IL1RL1: variants seen among roughly 807,000 people sequenced by gnomAD.
IL1RL1 encodes interleukin-1 receptor-like 1.
A neutral mutation model predicts 50.9 loss-of-function variants in IL1RL1; 32 were observed. That is an observed-to-expected ratio of 0.63 (90% CI 0.47 to 0.84). The LOEUF is 0.84. Ranked by LOEUF, IL1RL1 falls within the 40% of genes least tolerant of loss-of-function variation. The probability of loss-of-function intolerance (pLI) is 0.00; values close to 1 mark genes in which losing one functional copy is unlikely to be tolerated. For missense variants in IL1RL1, 773 were observed against 662.9 expected, an observed-to-expected ratio of 1.17 and a Z score of -1.82; for synonymous variants, 275 against 236.0, an observed-to-expected ratio of 1.17 and a Z score of -1.51.
At chr2:102,333,533 G>C (rs772457634) in intron 1 of IL1RL1, among the ~76,000 whole-genome samples, 14 of 152,198 alleles carry the variant, frequency 9.2e-5, no homozygotes, top group Non-Finnish European at 2.1e-4. Context: ...TTCTGTTCTG[G>C]AGACATGAAG....
chr2:102,314,461 T>C lies in IL1RL1; in HGVS notation c.-150+2838T>C, dbSNP rs563543454. Among the ~76,000 whole-genome samples the C allele has an allele frequency of 2.0e-5, 3 of 152,326 alleles. No homozygotes were observed. In the South Asian group the frequency reaches 6.2e-4, roughly 32 times the overall value. The stretch of plus-strand genomic sequence containing the variant: ...ATGAAAAAACACAGAATAAAGATAG[T>C]GTCCACCAAGATGTAACTGAGATTT... On this transcript the variant is annotated intron_variant, in intron 1 of 10. Coordinates refer to ENST00000233954, the MANE Select transcript of IL1RL1 (RefSeq NM_016232.5).
At chr2:102,328,722 G>C (rs1024764077) in intron 1 of IL1RL1, among the ~76,000 whole-genome samples, 1 of 152,162 alleles carries the variant, frequency 6.6e-6, no homozygotes, top group Non-Finnish European at 1.5e-5. Context: ...CAAATCATGA[G>C]TGAACTCCCA....
In IL1RL1 at chr2:102,338,888, G is replaced by C; in HGVS notation, c.113G>C (p.Arg38Thr). 6.2e-7 allele frequency: 1 copy of C among 1,613,792 alleles called. No homozygotes were observed. Among genetic ancestry groups the C allele is most frequent in the Non-Finnish European group, 8.5e-7 (1 of 1,179,786 alleles). ...ENEALIVRCP[R>T]QGKPSYTVDW... is the part of the protein sequence containing the mutation. Reference sequence around the variant, plus strand: ...GAGGCTTTAATTGTAAGATGTCCTAGACAAGGAAAACCTAGTTACACCGTG... The same window carrying C: ...GAGGCTTTAATTGTAAGATGTCCTACACAAGGAAAACCTAGTTACACCGTG... Residue 38 changes from arginine to threonine, a missense_variant, in exon 3 of 11, where the codon AGA becomes ACA. Arg to Thr is a moderately conservative substitution (Grantham distance 71). Transcript: ENST00000233954.
At position 102,343,909 on chromosome 2, in the gene IL1RL1, T is replaced by C. The variant is rs555681124; in HGVS notation, c.970+494T>C. Reference sequence around the variant, plus strand: ...AAGTATCAAACTACTGCCATTTCAGTGAGAAAATCCTAGGTGCTACTTTAT... The same window carrying C: ...AAGTATCAAACTACTGCCATTTCAGCGAGAAAATCCTAGGTGCTACTTTAT... On this transcript the variant is annotated intron_variant, in intron 8 of 10. Coordinates refer to ENST00000233954, the MANE Select transcript of IL1RL1 (RefSeq NM_016232.5). The C allele has an allele frequency of 4.7e-4, 473 of 996,230 alleles. 1 individual carries two copies. The African/African-American group carries it at 7.7e-3, about 16-fold the overall frequency. The allele number at this position is 996,230 out of a possible 1,614,324, so 61.7% of individuals were successfully genotyped here.
At chr2:102,339,073 C>G in intron 3 of IL1RL1, 26 bp downstream of exon 3, 1 of 1,525,452 alleles carries the variant, frequency 6.6e-7, no homozygotes, top group Non-Finnish European at 9.1e-7. Flanking sequence ...CTCCCATCTT[C>G]TTTCACCCTG....
intron 8 of IL1RL1, 117 bp from the exon 9 acceptor site, chr2:102,347,828 C>T: frequency 1.6e-6 from 1 of 612,182 alleles, no homozygotes; most frequent in Non-Finnish European, 2.9e-6. Flanking sequence ...ATGAAAATTC[C>T]CAGTGGGTAT....
intron 6 of IL1RL1, among the ~76,000 whole-genome samples, chr2:102,342,559 A>G (rs932369019): frequency 6.6e-6 from 1 of 152,176 alleles, no homozygotes; most frequent in African/African-American, 2.4e-5. Context: ...CTTCATCTCT[A>G]TCCCAGAGCT....
chr2:102,351,766 G>A lies in IL1RL1; in HGVS notation c.1516G>A (p.Val506Ile). 1 of 1,614,114 alleles carries A rather than the reference G, an allele frequency of 6.2e-7. No homozygotes were observed. The highest frequency in any genetic ancestry group is 8.5e-7 in the Non-Finnish European group (1 of 1,179,998). ...LQDSLQHLMK[V>I]QGTIKWREDH... ...GGACTCCCTCCAGCATCTTATGAAA[G>A]TACAGGGGACCATCAAGTGGAGGGA... Residue 506 changes from valine to isoleucine, a missense_variant, in exon 11 of 11, where the codon GTA (valine) becomes ATA (isoleucine). Transcript: ENST00000233954.
chr2:102,311,843 G>T (rs1231949777), intron 1 of IL1RL1, among the ~76,000 whole-genome samples: 2 of 41,286 alleles, frequency 4.8e-5, no homozygotes, highest in Non-Finnish European at 1.0e-4. Context: ...TTATATAATT[G>T]TAATATATAA....
chr2:102,325,962 G>C (rs1191576812), intron 1 of IL1RL1, among the ~76,000 whole-genome samples: 1 of 152,198 alleles, frequency 6.6e-6, no homozygotes, highest in Non-Finnish European at 1.5e-5. Context: ...CCCCAATCTA[G>C]CAAGGCAGGC....
At position 102,349,183 on chromosome 2, in the gene IL1RL1, G is replaced by T. The variant is rs772608146; in HGVS notation, c.1222G>T (p.Val408Phe). ...CTTTGTTCACCAGATTCTGCCTGAT[G>T]TTCTTGAAAATAAATGTGGCTATAC... is the stretch of plus-strand genomic sequence containing the variant. ...EHFVHQILPD[V>F]LENKCGYTLC... The change falls in exon 10 of 11, where the codon GTT becomes TTT. Residue 408 changes from valine to phenylalanine, a missense_variant. Transcript: ENST00000233954. 1.2e-6 allele frequency: 2 copies of T among 1,613,912 alleles called. No homozygotes were observed. Among genetic ancestry groups the T allele is most frequent in the South Asian group, 2.2e-5 (2 of 91,068 alleles).
chr2:102,327,811 C>G (rs1379287728), intron 1 of IL1RL1, among the ~76,000 whole-genome samples: 4 of 152,002 alleles, frequency 2.6e-5, no homozygotes, highest in South Asian at 2.1e-4. Flanking sequence ...CCAGGAAGAA[C>G]TTGAATCTCT....
intron 1 of IL1RL1, among the ~76,000 whole-genome samples, chr2:102,311,952 A>C (rs569422951): frequency 2.4e-4 from 10 of 41,334 alleles, no homozygotes; most frequent in East Asian, 1.2e-3. Context: ...TATTATATAT[A>C]ATATATATTA....
chr2:102,317,148 A>T (rs1813299), intron 1 of IL1RL1, among the ~76,000 whole-genome samples: 15,789 of 152,074 alleles, frequency 0.1, 879 homozygotes, highest in Non-Finnish European at 0.13. Context: ...AGGTCAGGAG[A>T]TCGAGACCAT....
At chr2:102,328,453 G>A (rs1427322131) in intron 1 of IL1RL1, among the ~76,000 whole-genome samples, 3 of 152,134 alleles carry the variant, frequency 2.0e-5, no homozygotes, top group African/African-American at 4.8e-5. Flanking sequence ...CATGAGACAG[G>A]GATGCCCTCT....
rs950470500 is a variant in IL1RL1, at chr2:102,345,937, A to G, written c.971-2008A>G. On this transcript the variant is annotated intron_variant, in intron 8 of 10. Coordinates refer to ENST00000233954, the MANE Select transcript of IL1RL1 (RefSeq NM_016232.5). Reference sequence around the variant, plus strand: ...TGCTTTGCTACGTTATCATTGATCAATGTCCCTGGTTACCTATGTGTTTGA... The same window carrying G: ...TGCTTTGCTACGTTATCATTGATCAGTGTCCCTGGTTACCTATGTGTTTGA... The G allele has an allele frequency of 9.1e-6, 9 of 985,322 alleles. No individual in the cohort carries two copies. The African/African-American group carries it at 1.0e-4, about 11-fold the overall frequency. The allele number at this position is 985,322 out of a possible 1,614,324, so 61.0% of individuals were successfully genotyped here.
intron 1 of IL1RL1, among the ~76,000 whole-genome samples, chr2:102,311,929 ATATTATATATAATATT>A (rs1676498548): frequency 2.9e-4 from 15 of 51,458 alleles, no homozygotes; most frequent in Middle Eastern, 0.016. Flanking sequence ...TATATAATAT[ATATTATATATAATATT>A]ATATATAATA....
chr2:102,328,881 A>G (rs976655167), intron 1 of IL1RL1, among the ~76,000 whole-genome samples: 42 of 152,342 alleles, frequency 2.8e-4, no homozygotes, highest in African/African-American at 1.0e-3. Context: ...CATAGGTAGG[A>G]AGACTCAATA....
At position 102,348,107 on chromosome 2, in the gene IL1RL1, C is replaced by T; in HGVS notation, c.1117+16C>T. On this transcript the variant is annotated intron_variant, in intron 9 of 10. Transcript: ENST00000233954. ...ACTAGGAATGGTAAGTGGCAAATAC[C>T]AAGTTTTTCTCCCAAAGAAAAAGTC... 6.3e-7 allele frequency: 1 copy of T among 1,597,502 alleles called. No homozygotes were observed. The highest frequency in any genetic ancestry group is 8.5e-7 in the Non-Finnish European group (1 of 1,170,632).
Sources: gnomAD v4.1 joint callset for allele counts (sites outside exome capture counted in the v4.1 genomes callset) on GRCh38, gnomAD v4.1.1 for gene constraint, MANE v1.5 for transcripts, NCBI Gene and HGNC (gene_info 2026-07-23, HGNC 2026-07-21) for gene names.